Variants in CLIP1 observed in about 807,000 individuals in gnomAD.
CLIP1 encodes CAP-Gly domain-containing linker protein 1.
Under a neutral mutation model 161.6 loss-of-function variants are expected in CLIP1, and 66 were observed. The observed-to-expected ratio is 0.41, with a 90% confidence interval of 0.33 to 0.50. The LOEUF (loss-of-function observed/expected upper bound fraction) is 0.50. CLIP1 is among the 20% of genes least tolerant of loss of function. CLIP1 has a pLI of 0.27. For missense variants in CLIP1, 1,376 were observed against 1,702.0 expected (o/e 0.81, Z 3.37); for synonymous variants, 598 against 626.2 (o/e 0.96, Z 0.67).
In CLIP1 at chr12:122,413,145, T is replaced by C. The variant is rs537015719; in HGVS notation, c.-107+9376A>G. Among the ~76,000 whole-genome samples the C allele has an allele frequency of 2.0e-5, 3 of 152,228 alleles. No homozygotes were observed. The East Asian group carries it at 5.8e-4, about 29-fold the overall frequency. Reference sequence around the variant, plus strand: ...CCTGCTTTAAGGTATTAGAACATAATGTCTCTAATAAAAAGTCATTATATG... The same window carrying C: ...CCTGCTTTAAGGTATTAGAACATAACGTCTCTAATAAAAAGTCATTATATG... On this transcript the variant is annotated intron_variant, in intron 1 of 25. Coordinates refer to ENST00000620786, the MANE Select transcript of CLIP1 (RefSeq NM_001247997.2).
intron 19 of CLIP1, among the ~76,000 whole-genome samples, chr12:122,310,919 T>C (rs1951039650): frequency 6.6e-6 from 1 of 152,192 alleles, no homozygotes; most frequent in Non-Finnish European, 1.5e-5. Flanking sequence ...CCACCTATAA[T>C]ATGCACACTG....
rs1343141999 is a variant in CLIP1, at chr12:122,386,839, AAG to A, written c.-106-6283_-106-6282del. Among the ~76,000 whole-genome samples, 1,435 of 150,244 alleles carry A rather than the reference AAG, an allele frequency of 9.6e-3. 22 individuals carry two copies. Among genetic ancestry groups the A allele is most frequent in the African/African-American group, 0.034 (1,362 of 40,560 alleles). ...AATATGTCTCAAAAAAAAAAAAAAAAAGAGAGAGAGATTCTGAGCTTACAAAG... is the reference window on the plus strand; with the variant it reads ...AATATGTCTCAAAAAAAAAAAAAAAAAGAGAGAGATTCTGAGCTTACAAAG... On this transcript the variant is annotated intron_variant, in intron 1 of 25. Coordinates refer to ENST00000620786, the MANE Select transcript of CLIP1 (RefSeq NM_001247997.2).
At chr12:122,317,929 AG>A (rs1221957055) in intron 18 of CLIP1, among the ~76,000 whole-genome samples, 1 of 152,200 alleles carries the variant, frequency 6.6e-6, no homozygotes, top group Non-Finnish European at 1.5e-5. Context: ...CCACTGCTGC[AG>A]GTTAGACACA....
In CLIP1 at chr12:122,340,810, C is replaced by G; in HGVS notation, c.2394G>C (p.Glu798Asp). Residue 798 changes from glutamate (E) to aspartate (D), a missense_variant, in exon 11 of 26, where the codon GAG (glutamate) becomes GAC (aspartate). Glu to Asp is a conservative substitution (Grantham distance 45). Transcript: ENST00000620786. ...AATGTTTAATCTGTTTCTCAGCTGC[C>G]TCAAGCTGCTGTCTAAGTTTCTTCA... ...SEMKKLRQQL[E>D]AAEKQIKHLE... 6.2e-7 allele frequency: 1 copy of G among 1,612,340 alleles called. No individual in the cohort carries two copies. The highest frequency in any genetic ancestry group is 8.5e-7 in the Non-Finnish European group (1 of 1,179,476).
At chr12:122,297,242 A>C (rs980483683) in intron 20 of CLIP1, among the ~76,000 whole-genome samples, 3 of 152,190 alleles carry the variant, frequency 2.0e-5, no homozygotes, top group Non-Finnish European at 4.4e-5. Flanking sequence ...AGCTACGCTA[A>C]GAAAAATAGT....
intron 24 of CLIP1, chr12:122,277,672 A>G (rs552551028): frequency 6.5e-6 from 1 of 152,808 alleles, no homozygotes; most frequent in Admixed American, 6.5e-5. Context: ...ATAATTCCTT[A>G]CGGCATTGTT....
chr12:122,328,368 G>A lies in CLIP1; in HGVS notation c.2926C>T (p.Gln976Ter). The A allele has an allele frequency of 6.2e-7, 1 of 1,611,934 alleles. No individual in the cohort carries two copies. Among genetic ancestry groups the A allele is most frequent in the Non-Finnish European group, 8.5e-7 (1 of 1,179,382 alleles). The stretch of plus-strand genomic sequence containing the variant: ...ACAGTCATGTCCTCAATACTTTTTT[G>A]CAGAAAACTTGCATTTTCATTAGCC... Reference protein sequence around the residue: ...TKANENASFLQKSIEDMTVKA... With the variant: ...TKANENASFL Residue 976 changes from glutamine to a stop codon, truncating the protein, a stop_gained, in exon 16 of 26, where the codon CAA (glutamine) becomes TAA (stop). Coordinates refer to ENST00000620786, the MANE Select transcript of CLIP1 (RefSeq NM_001247997.2). LOFTEE classifies it high-confidence loss of function.
chr12:122,333,712 G>T (rs1024434306), intron 14 of CLIP1, among the ~76,000 whole-genome samples: 2 of 152,206 alleles, frequency 1.3e-5, no homozygotes, highest in African/African-American at 4.8e-5. Flanking sequence ...GACCGAAGCC[G>T]GCACAGGCAG....
At chr12:122,416,627 G>A (rs931475632) in intron 1 of CLIP1, among the ~76,000 whole-genome samples, 1 of 152,068 alleles carries the variant, frequency 6.6e-6, no homozygotes, top group Non-Finnish European at 1.5e-5. Context: ...GTGGCCGAGA[G>A]CAGTGGCTCA....
At chr12:122,372,632 C>G (rs1954513490) in intron 3 of CLIP1, among the ~76,000 whole-genome samples, 1 of 151,260 alleles carries the variant, frequency 6.6e-6, no homozygotes, top group South Asian at 2.1e-4. Context: ...AATAATTATT[C>G]AAATCTGCAG....
intron 17 of CLIP1, among the ~76,000 whole-genome samples, chr12:122,321,174 T>C (rs1335777495): frequency 6.6e-6 from 1 of 151,866 alleles, no homozygotes; most frequent in Non-Finnish European, 1.5e-5. Flanking sequence ...CAACTCCAAA[T>C]GGACAGACAC....
intron 20 of CLIP1, among the ~76,000 whole-genome samples, chr12:122,299,263 T>C (rs1201194322): frequency 2.0e-5 from 3 of 152,120 alleles, no homozygotes; most frequent in Non-Finnish European, 2.9e-5. Context: ...AACTTCTCTG[T>C]GCCAGGCAAT....
chr12:122,355,538 G>A lies in CLIP1; in HGVS notation c.1006-226C>T. 2.0e-6 allele frequency: 1 copy of A among 511,226 alleles called. No individual in the cohort carries two copies. The highest frequency in any genetic ancestry group is 3.4e-5 in the Admixed American group (1 of 29,580). 31.7% of individuals were successfully genotyped at this position (511,226 alleles called of 1,614,324 possible). ...AACGTAAAGAGATCAGCCAGGTGCGGTGGCTCATGCCTGTAATCCTAGCAC... is the reference window on the plus strand; with the variant it reads ...AACGTAAAGAGATCAGCCAGGTGCGATGGCTCATGCCTGTAATCCTAGCAC... On this transcript the variant is annotated intron_variant, in intron 5 of 25. Coordinates refer to ENST00000620786, the MANE Select transcript of CLIP1 (RefSeq NM_001247997.2). This position sits in a 1 kb window ranked among gnomAD's most constrained non-coding sequence, Gnocchi z 4.1.
In CLIP1 at chr12:122,367,500, C is replaced by CA. The variant is rs551286392; in HGVS notation, c.658-3394dup. 8.0e-4 allele frequency among the ~76,000 whole-genome samples: 122 copies of CA among 152,212 alleles called. 1 individual carries two copies. The highest frequency in any genetic ancestry group is 3.4e-3 in the Middle Eastern group (1 of 294). ...TTTTTCTACTTAATCATTCTACAAT[C>CA]AAAAAACGTGTTTACGCATTTCAAC... On this transcript the variant is annotated intron_variant, in intron 3 of 25. Coordinates refer to ENST00000620786, the MANE Select transcript of CLIP1 (RefSeq NM_001247997.2).
chr12:122,366,787 G>A (rs1027214233), intron 3 of CLIP1, among the ~76,000 whole-genome samples: 1 of 152,192 alleles, frequency 6.6e-6, no homozygotes, highest in Admixed American at 6.5e-5. Flanking sequence ...GTTGCAGTGA[G>A]CCAAGACTGT....
intron 5 of CLIP1, among the ~76,000 whole-genome samples, chr12:122,358,887 C>G (rs1043790837): frequency 6.6e-6 from 1 of 152,088 alleles, no homozygotes; most frequent in African/African-American, 2.4e-5. Context: ...ATGGTGAAAC[C>G]TCGTCTCTAC....
At chr12:122,307,558 A>AT (rs1187179415) in intron 20 of CLIP1, among the ~76,000 whole-genome samples, 3 of 152,074 alleles carry the variant, frequency 2.0e-5, no homozygotes, top group East Asian at 3.8e-4. Flanking sequence ...AACTAAAATT[A>AT]TTTTTTTTAA....
At chr12:122,310,022 T>A in intron 19 of CLIP1, 140 bp from the exon 20 acceptor site, 1 of 901,162 alleles carries the variant, frequency 1.1e-6, no homozygotes, top group Non-Finnish European at 1.7e-6. Context: ...CAGACAGTAT[T>A]ATCTACATGC....
At chr12:122,417,519 T>A (rs1358185632) in intron 1 of CLIP1, among the ~76,000 whole-genome samples, 5 of 149,274 alleles carry the variant, frequency 3.3e-5, no homozygotes, top group African/African-American at 1.2e-4. Flanking sequence ...CCTTTTTTTT[T>A]TTTTTTTTTT....
Sources: allele counts gnomAD v4.1 joint callset (sites outside exome capture counted in the v4.1 genomes callset), GRCh38; gene constraint gnomAD v4.1.1; non-coding constraint Gnocchi (gnomAD v3.1); transcripts MANE v1.5; gene names NCBI Gene and HGNC (gene_info 2026-07-23, HGNC 2026-07-21).